Variants in CACNB2 observed in about 807,000 individuals in gnomAD.
The protein encoded by CACNB2 is voltage-dependent L-type calcium channel subunit beta-2.
In CACNB2, 42 loss-of-function variants were observed where a neutral mutation model predicts 73.3. The observed-to-expected ratio is 0.57, with a 90% CI of 0.45 to 0.74. The LOEUF (loss-of-function observed/expected upper bound fraction) is 0.74, where lower values mean the gene tolerates loss of function less well. Ranked by LOEUF, CACNB2 falls within the 30% of genes least tolerant of loss-of-function variation. The pLI is 0.00. For missense variants in CACNB2, 940 were observed against 853.0 expected, an observed-to-expected ratio of 1.10 and a Z score of -1.27; for synonymous variants, 348 against 310.3, an observed-to-expected ratio of 1.12 and a Z score of -1.28.
intron 2 of CACNB2, among the ~76,000 whole-genome samples, chr10:18,191,961 G>C (rs899430355): frequency 2.0e-5 from 3 of 151,906 alleles, no homozygotes; most frequent in Admixed American, 2.0e-4. Context: ...ACCCATTAGT[G>C]GGATTGCTGG....
At chr10:18,276,932 C>T (rs114721359) in intron 2 of CACNB2, among the ~76,000 whole-genome samples, 4,185 of 152,160 alleles carry the variant, frequency 0.028, 197 homozygotes, top group African/African-American at 0.096. Context: ...GGCAACATAA[C>T]GAAACCCCCA....
intron 3 of CACNB2, among the ~76,000 whole-genome samples, chr10:18,404,033 A>G (rs2044151712): frequency 6.6e-6 from 1 of 152,216 alleles, no homozygotes; most frequent in South Asian, 2.1e-4. Context: ...TAGATGCCCC[A>G]TTCTCCAGGG....
chr10:18,495,710 G>C (rs934378360), intron 3 of CACNB2, among the ~76,000 whole-genome samples: 4 of 151,558 alleles, frequency 2.6e-5, no homozygotes, highest in African/African-American at 9.7e-5. Flanking sequence ...CACGGCACCT[G>C]GCCTTTTAAA....
chr10:18,476,508 G>A (rs71497250), intron 3 of CACNB2, among the ~76,000 whole-genome samples: 18,339 of 152,096 alleles, frequency 0.12, 1,257 homozygotes, highest in Admixed American at 0.18. Flanking sequence ...ATGAAGTAGC[G>A]ACTCTCCATC....
rs2054069111 is a variant in CACNB2, at chr10:18,541,568, C to T, written c.*1844C>T. On this transcript the variant is annotated 3_prime_UTR_variant, in exon 14 of 14. Transcript: ENST00000324631. ...CAGATCTGCACATTAACTTATTTAA[C>T]AAAATAAATCAGCCGGGCGCAGTGG... The T allele has an allele frequency of 6.6e-6, 1 of 152,098 alleles. No homozygotes were observed. The allele number at this position is 152,098 out of a possible 1,614,324, so 9.4% of individuals were successfully genotyped here.
chr10:18,493,223 C>T (rs2049564644), intron 3 of CACNB2, among the ~76,000 whole-genome samples: 1 of 152,184 alleles, frequency 6.6e-6, no homozygotes, highest in Non-Finnish European at 1.5e-5. Context: ...GGCTAGAGTG[C>T]AGTGGCACAA....
At chr10:18,156,611 T>C (rs2131066631) in intron 2 of CACNB2, among the ~76,000 whole-genome samples, 1 of 152,354 alleles carries the variant, frequency 6.6e-6, no homozygotes, top group Admixed American at 6.5e-5. Flanking sequence ...GAGGTTGCTG[T>C]TGGTTCTATT....
intron 2 of CACNB2, among the ~76,000 whole-genome samples, chr10:18,337,770 A>G (rs1425159392): frequency 6.6e-6 from 1 of 152,206 alleles, no homozygotes; most frequent in Non-Finnish European, 1.5e-5. Flanking sequence ...TAAAATATAT[A>G]GTATTTCTGC....
intron 2 of CACNB2, among the ~76,000 whole-genome samples, chr10:18,179,687 T>C (rs1408149309): frequency 1.3e-5 from 2 of 152,164 alleles, no homozygotes; most frequent in South Asian, 2.1e-4. Context: ...ACTTTTTGTA[T>C]GATGCCTGAT....
chr10:18,448,791 A>G (rs2046869391), intron 3 of CACNB2, among the ~76,000 whole-genome samples: 1 of 152,226 alleles, frequency 6.6e-6, no homozygotes, highest in Admixed American at 6.5e-5. Flanking sequence ...TCAGGAAGTT[A>G]CCAGGAATGA....
intron 3 of CACNB2, among the ~76,000 whole-genome samples, chr10:18,446,775 T>A (rs563133794): frequency 3.3e-5 from 5 of 152,224 alleles, no homozygotes; most frequent in South Asian, 2.1e-4. Context: ...AACTCTTTTT[T>A]AAAAATAAGC....
At chr10:18,145,144 C>T (rs1446323213) in intron 1 of CACNB2, among the ~76,000 whole-genome samples, 1 of 152,216 alleles carries the variant, frequency 6.6e-6, no homozygotes, top group East Asian at 1.9e-4. Context: ...CCAGCCGAGT[C>T]TGCCAGATGC....
intron 3 of CACNB2, among the ~76,000 whole-genome samples, chr10:18,487,153 T>G (rs1455830363): frequency 2.6e-5 from 4 of 152,182 alleles, no homozygotes; most frequent in Non-Finnish European, 4.4e-5. Context: ...TTCATGCAGA[T>G]GGGGTCTCAA....
intron 2 of CACNB2, among the ~76,000 whole-genome samples, chr10:18,289,387 C>T (rs895940637): frequency 4.0e-5 from 6 of 150,198 alleles, no homozygotes; most frequent in Admixed American, 6.6e-5. Context: ...CTCCGCCTCC[C>T]GGGTTCATGC....
intron 2 of CACNB2, among the ~76,000 whole-genome samples, chr10:18,362,638 G>A (rs571133540): frequency 6.6e-6 from 1 of 152,298 alleles, no homozygotes; most frequent in South Asian, 2.1e-4. Context: ...AACAAATATT[G>A]CCATAGAAAA....
intron 2 of CACNB2, among the ~76,000 whole-genome samples, chr10:18,285,769 G>GT (rs1295861789): frequency 6.6e-6 from 1 of 151,444 alleles, no homozygotes; most frequent in African/African-American, 2.4e-5. Flanking sequence ...CCATTTTTTT[G>GT]TTTTTGCTTT....
intron 2 of CACNB2, among the ~76,000 whole-genome samples, chr10:18,198,422 C>T (rs1203502247): frequency 6.6e-6 from 1 of 152,100 alleles, no homozygotes; most frequent in Non-Finnish European, 1.5e-5. Flanking sequence ...TCAATCTTCA[C>T]CACGCTGCAC....
At chr10:18,325,215 G>A (rs2131978469) in intron 2 of CACNB2, among the ~76,000 whole-genome samples, 1 of 152,162 alleles carries the variant, frequency 6.6e-6, no homozygotes, top group South Asian at 2.1e-4. Context: ...TTAGGGACAG[G>A]ATCCCACTTT....
intron 2 of CACNB2, among the ~76,000 whole-genome samples, chr10:18,172,939 TA>T (rs1209336391): frequency 1.3e-5 from 2 of 150,282 alleles, no homozygotes; most frequent in East Asian, 1.9e-4. Context: ...TTTTTTTTTT[TA>T]AATGGAGTTT....
Sources: gnomAD v4.1 joint callset for allele counts (sites outside exome capture counted in the v4.1 genomes callset) on GRCh38, gnomAD v4.1.1 for gene constraint, MANE v1.5 for transcripts, NCBI Gene and HGNC (gene_info 2026-07-23, HGNC 2026-07-21) for gene names.